The following NRG3 variants were observed in gnomAD, a reference collection of about 807,000 sequenced individuals.
The protein encoded by NRG3 is pro-neuregulin-3, membrane-bound isoform.
Under a neutral mutation model 66.9 loss-of-function variants are expected in NRG3, and 31 were observed. The ratio of observed to expected loss-of-function variants is 0.46; its 90% CI spans 0.35 to 0.63. The LOEUF (loss-of-function observed/expected upper bound fraction) is 0.63, where lower values mean the gene tolerates loss of function less well. NRG3 is among the 20% of genes least tolerant of loss of function. The pLI, the probability that NRG3 is intolerant of heterozygous loss-of-function variation, is 0.00. For synonymous variants in NRG3, 393 were observed against 359.4 expected, an observed-to-expected ratio of 1.09 and a Z score of -1.06; for missense variants, 910 against 878.9, an observed-to-expected ratio of 1.04 and a Z score of -0.45.
intron 3 of NRG3, among the ~76,000 whole-genome samples, chr10:82,756,788 C>A (rs1389531887): frequency 6.6e-6 from 1 of 150,688 alleles, no homozygotes; most frequent in Non-Finnish European, 1.5e-5. Context: ...TTCAGTCATT[C>A]ATTCAACACT....
intron 3 of NRG3, among the ~76,000 whole-genome samples, chr10:82,820,944 T>C (rs1170262915): frequency 6.6e-6 from 1 of 152,220 alleles, no homozygotes; most frequent in Non-Finnish European, 1.5e-5. Flanking sequence ...TCCAGTTCTT[T>C]GCAACTACAC....
At chr10:81,928,823 A>T (rs10883930) in intron 1 of NRG3, among the ~76,000 whole-genome samples, 12,263 of 152,058 alleles carry the variant, frequency 0.081, 603 homozygotes, top group South Asian at 0.18. Flanking sequence ...TAATAAGACA[A>T]GTTAAAGAAC....
At chr10:82,193,109 G>A (rs2133373985) in intron 1 of NRG3, among the ~76,000 whole-genome samples, 1 of 152,204 alleles carries the variant, frequency 6.6e-6, no homozygotes, top group East Asian at 1.9e-4. Context: ...AACCAATGGA[G>A]AGTTTGGTGC....
At chr10:82,717,421 A>G (rs1181652267) in intron 2 of NRG3, among the ~76,000 whole-genome samples, 4 of 93,618 alleles carry the variant, frequency 4.3e-5, no homozygotes, top group African/African-American at 1.7e-4. Flanking sequence ...TTTTTTTGAG[A>G]TGGAGTCTTG....
chr10:82,750,012 C>A (rs992488750), intron 3 of NRG3, among the ~76,000 whole-genome samples: 13 of 152,180 alleles, frequency 8.5e-5, no homozygotes, highest in Admixed American at 7.9e-4. Flanking sequence ...TAGACAGACA[C>A]AACCACTTTC....
chr10:82,231,449 A>G (rs1420352726), intron 1 of NRG3, among the ~76,000 whole-genome samples: 1 of 152,152 alleles, frequency 6.6e-6, no homozygotes, highest in African/African-American at 2.4e-5. Context: ...AGTAACACAA[A>G]CAGGCACAAA....
At chr10:82,129,205 G>A (rs542097015) in intron 1 of NRG3, among the ~76,000 whole-genome samples, 62 of 152,078 alleles carry the variant, frequency 4.1e-4, no homozygotes, top group South Asian at 2.1e-3. Flanking sequence ...AAGCCACTGC[G>A]CCAGGGCAGT....
At chr10:82,764,038 T>C (rs542106460) in intron 3 of NRG3, among the ~76,000 whole-genome samples, 1 of 152,290 alleles carries the variant, frequency 6.6e-6, no homozygotes, top group Admixed American at 6.5e-5. Context: ...CACATTATAT[T>C]TCCTTTTTCT....
At chr10:82,470,136 A>G (rs1841109506) in intron 2 of NRG3, among the ~76,000 whole-genome samples, 1 of 152,206 alleles carries the variant, frequency 6.6e-6, no homozygotes, top group Non-Finnish European at 1.5e-5. Context: ...ATGCCATGTC[A>G]AGGCACACTG....
chr10:82,596,385 A>C (rs2047280229), intron 2 of NRG3, among the ~76,000 whole-genome samples: 1 of 152,182 alleles, frequency 6.6e-6, no homozygotes, highest in African/African-American at 2.4e-5. Context: ...AGAAGATTTT[A>C]ATGAGGCACG....
chr10:82,679,842 G>T (rs1487396148), intron 2 of NRG3, among the ~76,000 whole-genome samples: 1 of 151,680 alleles, frequency 6.6e-6, no homozygotes, highest in South Asian at 2.1e-4. Flanking sequence ...AGTGTTCAGA[G>T]TCTATGTTCT....
At chr10:81,958,955 G>A (rs2133256969) in intron 1 of NRG3, among the ~76,000 whole-genome samples, 1 of 152,218 alleles carries the variant, frequency 6.6e-6, no homozygotes, top group Non-Finnish European at 1.5e-5. Context: ...AAAATTTCAT[G>A]GCGAGGGGAT....
chr10:82,598,301 A>G (rs974065990), intron 2 of NRG3, among the ~76,000 whole-genome samples: 30 of 152,352 alleles, frequency 2.0e-4, no homozygotes, highest in African/African-American at 7.0e-4. Flanking sequence ...CAGATAAGCA[A>G]TCCAAATAAG....
At chr10:82,091,063 G>GT (rs920425492) in intron 1 of NRG3, among the ~76,000 whole-genome samples, 45 of 148,712 alleles carry the variant, frequency 3.0e-4, no homozygotes, top group Middle Eastern at 3.5e-3. Flanking sequence ...AGACTAGTTT[G>GT]TTTTTTTTTT....
At chr10:82,176,211 C>T (rs1269374286) in intron 1 of NRG3, among the ~76,000 whole-genome samples, 1 of 152,168 alleles carries the variant, frequency 6.6e-6, no homozygotes, top group African/African-American at 2.4e-5. Context: ...TTATGAGATT[C>T]TCATGCAGGA....
intron 1 of NRG3, among the ~76,000 whole-genome samples, chr10:81,988,037 A>G (rs916813328): frequency 1.3e-5 from 2 of 152,322 alleles, no homozygotes; most frequent in Non-Finnish European, 2.9e-5. Flanking sequence ...AATTTCTAAG[A>G]TAATATTTGG....
At chr10:82,825,763 T>G (rs1335331869) in intron 3 of NRG3, among the ~76,000 whole-genome samples, 2 of 152,222 alleles carry the variant, frequency 1.3e-5, no homozygotes, top group Non-Finnish European at 2.9e-5. Context: ...CAATATTCTG[T>G]AGCAATTGTT....
chr10:81,975,181 T>TTGCC, intron 1 of NRG3, among the ~76,000 whole-genome samples: 1 of 152,230 alleles, frequency 6.6e-6, no homozygotes, highest in East Asian at 1.9e-4. Context: ...TCTCTACTGT[T>TTGCC]TGCCTACTGC....
intron 1 of NRG3, among the ~76,000 whole-genome samples, chr10:82,186,016 G>A (rs2073782773): frequency 6.6e-6 from 1 of 152,048 alleles, no homozygotes; most frequent in African/African-American, 2.4e-5. Flanking sequence ...TCTGATTCTA[G>A]TTAATCAATA....
Sources: gnomAD v4.1 joint callset for allele counts (sites outside exome capture counted in the v4.1 genomes callset) on GRCh38, gnomAD v4.1.1 for gene constraint, MANE v1.5 for transcripts, NCBI Gene and HGNC (gene_info 2026-07-23, HGNC 2026-07-21) for gene names.